The following DAB1 variants were observed in gnomAD, a reference collection of about 807,000 sequenced individuals.
DAB1 encodes disabled homolog 1.
A neutral mutation model predicts 64.6 loss-of-function variants in DAB1; 15 were observed. The observed-to-expected ratio is 0.23, with a 90% CI of 0.16 to 0.36. The LOEUF is 0.36. DAB1 is among the 10% of genes least tolerant of loss of function. The pLI, the probability that DAB1 is intolerant of heterozygous loss-of-function variation, is 1.00. For synonymous variants in DAB1, 235 were observed against 251.9 expected, an observed-to-expected ratio of 0.93 and a Z score of 0.64; for missense variants, 596 against 706.7, an observed-to-expected ratio of 0.84 and a Z score of 1.78.
At chr1:57,569,534 G>A (rs1023449912) in intron 7 of DAB1, among the ~76,000 whole-genome samples, 26 of 152,076 alleles carry the variant, frequency 1.7e-4, no homozygotes, top group South Asian at 2.1e-4. Context: ...ACTTAAAGGT[G>A]GGAATTGAAC....
At chr1:57,232,917 T>C (rs561730579) in intron 2 of DAB1, among the ~76,000 whole-genome samples, 6 of 152,336 alleles carry the variant, frequency 3.9e-5, no homozygotes, top group Non-Finnish European at 5.9e-5. Flanking sequence ...GGTATGACCA[T>C]GTCCAGTAAA....
intron 5 of DAB1, among the ~76,000 whole-genome samples, chr1:58,094,662 A>G (rs1650876905): frequency 1.3e-5 from 2 of 152,352 alleles, no homozygotes; most frequent in African/African-American, 4.8e-5. Context: ...CTCTGGCTCA[A>G]AGTAAATGTT....
intron 1 of DAB1, among the ~76,000 whole-genome samples, chr1:57,346,051 G>A (rs1433096981): frequency 6.6e-6 from 1 of 152,200 alleles, no homozygotes; most frequent in Non-Finnish European, 1.5e-5. Context: ...TCCAAGGTCA[G>A]AGAGCTAGAA....
Position 57,061,228 on chromosome 1 carries a change from T to TGGG in DAB1, c.723+1653_723+1655dup, listed in dbSNP as rs5774326. 2.4e-4 allele frequency among the ~76,000 whole-genome samples: 28 copies of TGGG among 114,814 alleles called. 1 individual carries two copies. Among genetic ancestry groups the TGGG allele is most frequent in the East Asian group, 9.3e-4 (4 of 4,312 alleles). 75.3% of individuals were successfully genotyped at this position (114,814 alleles called of 152,430 possible). On this transcript the variant is annotated intron_variant, in intron 9 of 14. Coordinates refer to ENST00000371236, the MANE Select transcript of DAB1 (RefSeq NM_001365792.1). ...ATAGGTTTCAGAAGCCATATTTAGA[T>TGGG]GGGGGGGGGGGGTGGTTTCAAGATC... is the stretch of plus-strand genomic sequence containing the variant.
intron 3 of DAB1, among the ~76,000 whole-genome samples, chr1:58,429,467 A>G (rs1644849416): frequency 6.6e-6 from 1 of 152,210 alleles, no homozygotes; most frequent in African/African-American, 2.4e-5. Flanking sequence ...GGACGATCAC[A>G]GTGAGATGTG....
intron 4 of DAB1, among the ~76,000 whole-genome samples, chr1:58,312,452 A>G (rs1309067536): frequency 2.0e-5 from 3 of 152,196 alleles, no homozygotes; most frequent in African/African-American, 7.2e-5. Context: ...CACAAGACAG[A>G]ATAGAAAAGC....
chr1:56,999,895 C>T (rs192779601), intron 14 of DAB1, among the ~76,000 whole-genome samples: 1 of 152,268 alleles, frequency 6.6e-6, no homozygotes, highest in Non-Finnish European at 1.5e-5. Flanking sequence ...ACTTGTCCCT[C>T]CATGCCTTCT....
chr1:57,580,524 A>G (rs1022908161), intron 7 of DAB1, among the ~76,000 whole-genome samples: 3 of 152,148 alleles, frequency 2.0e-5, no homozygotes, highest in Non-Finnish European at 4.4e-5. Context: ...ATTTGAAATC[A>G]GGATCTTCTC....
At position 58,433,567 on chromosome 1, in the gene DAB1, A is replaced by G. The variant is rs534766419; in HGVS notation, n.257+72493T>C. On this transcript the variant is annotated intron_variant and non_coding_transcript_variant, in intron 3 of 20. Coordinates refer to the DAB1 transcript ENST00000485760. Reference sequence around the variant, plus strand: ...CTGAAGGGCAAGAGAGTCCATGCATAAGAGAGAGAGAGAGAGAGAGAGAGA... The same window carrying G: ...CTGAAGGGCAAGAGAGTCCATGCATGAGAGAGAGAGAGAGAGAGAGAGAGA... 3.2e-3 allele frequency among the ~76,000 whole-genome samples: 367 copies of G among 114,490 alleles called. 1 individual carries two copies. The highest frequency in any genetic ancestry group is 0.012 in the African/African-American group (344 of 27,878). 75.1% of individuals were successfully genotyped at this position (114,490 alleles called of 152,430 possible).
chr1:57,262,511 C>A (rs1670257290), intron 2 of DAB1, among the ~76,000 whole-genome samples: 1 of 152,214 alleles, frequency 6.6e-6, no homozygotes. Context: ...TTTGTCCTTA[C>A]CTGCAGCCCA....
At chr1:57,827,276 T>A (rs1282401198) in intron 1 of DAB1, among the ~76,000 whole-genome samples, 1 of 152,150 alleles carries the variant, frequency 6.6e-6, no homozygotes, top group Non-Finnish European at 1.5e-5. Flanking sequence ...GTTAAAGGGA[T>A]CCTGTACTAT....
intron 1 of DAB1, among the ~76,000 whole-genome samples, chr1:57,365,713 G>C (rs1007334384): frequency 2.6e-5 from 4 of 151,998 alleles, no homozygotes; most frequent in Non-Finnish European, 5.9e-5. Context: ...GCTTTTCATA[G>C]ACAGGCAAGT....
intron 1 of DAB1, among the ~76,000 whole-genome samples, chr1:57,305,979 AAAAAAAG>A (rs1287587303): frequency 2.0e-4 from 30 of 149,164 alleles, no homozygotes; most frequent in African/African-American, 7.1e-4. Context: ...AAAAAAAAAA[AAAAAAAG>A]AAAAAAGAAA....
At chr1:57,760,390 A>AT (rs1298799780) in intron 6 of DAB1, among the ~76,000 whole-genome samples, 5 of 150,554 alleles carry the variant, frequency 3.3e-5, no homozygotes, top group Admixed American at 3.3e-4. Context: ...AATATAAAGC[A>AT]TTTTTTTTAC....
intron 1 of DAB1, among the ~76,000 whole-genome samples, chr1:58,544,645 A>C (rs1251046918): frequency 6.6e-6 from 1 of 152,108 alleles, no homozygotes; most frequent in African/African-American, 2.4e-5. Context: ...TCCAGGCTGG[A>C]GTGCAGTGGT....
intron 2 of DAB1, among the ~76,000 whole-genome samples, chr1:57,215,644 A>G (rs1666369105): frequency 6.6e-6 from 1 of 152,178 alleles, no homozygotes; most frequent in South Asian, 2.1e-4. Context: ...TGATTCTATA[A>G]CCTTTCTTAG....
intron 8 of DAB1, among the ~76,000 whole-genome samples, chr1:57,067,142 A>G (rs1264697622): frequency 6.6e-6 from 1 of 152,174 alleles, no homozygotes; most frequent in Admixed American, 6.5e-5. Flanking sequence ...AGAATGACCA[A>G]AGGCCTTTCC....
intron 3 of DAB1, among the ~76,000 whole-genome samples, chr1:57,141,135 A>G (rs1458947322): frequency 6.6e-6 from 1 of 152,192 alleles, no homozygotes; most frequent in Non-Finnish European, 1.5e-5. Context: ...AGTTCTAGCT[A>G]GTTACCAGCT....
intron 5 of DAB1, among the ~76,000 whole-genome samples, chr1:58,004,643 G>A (rs1280827265): frequency 6.6e-6 from 1 of 152,148 alleles, no homozygotes; most frequent in African/African-American, 2.4e-5. Context: ...GAATGTCCTT[G>A]GTAGAGTTGT....
Sources: allele counts gnomAD v4.1 joint callset (sites outside exome capture counted in the v4.1 genomes callset), GRCh38; gene constraint gnomAD v4.1.1; transcripts MANE v1.5; gene names NCBI Gene and HGNC (gene_info 2026-07-23, HGNC 2026-07-21).